The following GRIP1 variants were observed in gnomAD, a reference collection of about 807,000 sequenced individuals.
GRIP1 encodes the protein glutamate receptor-interacting protein 1.
GRIP1 carries 45 observed loss-of-function variants against 129.9 expected under a neutral mutation model. That is an observed-to-expected ratio of 0.35 (90% CI 0.27 to 0.44). The LOEUF (loss-of-function observed/expected upper bound fraction) is 0.44, where lower values mean the gene tolerates loss of function less well. GRIP1 is among the 20% of genes least tolerant of loss of function. GRIP1 has a pLI of 1.00. For synonymous variants in GRIP1, 530 were observed against 520.8 expected, an observed-to-expected ratio of 1.02 and a Z score of -0.24; for missense variants, 1,196 against 1,396.8, an observed-to-expected ratio of 0.86 and a Z score of 2.29.
chr12:66,541,674 C>T, intron 3 of GRIP1, 141 bp downstream of exon 3: 1 of 874,854 alleles, frequency 1.1e-6, no homozygotes, highest in South Asian at 1.3e-5. Flanking sequence ...AAACGTGCCC[C>T]ACTGTGCTTC....
rs1592765656 is a variant in GRIP1, at chr12:66,710,887, C to T, written c.-419-80551G>A. ...AATGCTCTTATAGAGGAATCTTCCA[C>T]AGGCTTCTGCCTTTCTGGATCACTT... On this transcript the variant is annotated intron_variant, in intron 1 of 4. Coordinates refer to the GRIP1 transcript ENST00000538373. 1.3e-5 allele frequency among the ~76,000 whole-genome samples: 2 copies of T among 151,894 alleles called. 1 individual carries two copies. Among genetic ancestry groups the T allele is most frequent in the East Asian group, 3.9e-4 (2 of 5,174 alleles).
At chr12:66,726,925 G>A (rs888290713) in intron 1 of GRIP1, among the ~76,000 whole-genome samples, 4 of 152,126 alleles carry the variant, frequency 2.6e-5, no homozygotes, top group South Asian at 2.1e-4. Flanking sequence ...GCTGGCCTTC[G>A]CATTTAGAAT....
intron 1 of GRIP1, among the ~76,000 whole-genome samples, chr12:66,619,107 C>T (rs545705661): frequency 3.3e-5 from 5 of 151,986 alleles, no homozygotes; most frequent in African/African-American, 1.2e-4. Context: ...AAAGAAAGAA[C>T]CCAAGGAATG....
intron 2 of GRIP1, among the ~76,000 whole-genome samples, chr12:66,557,371 A>T (rs2062372021): frequency 6.6e-6 from 1 of 152,186 alleles, no homozygotes; most frequent in Non-Finnish European, 1.5e-5. Context: ...AACTCAATAC[A>T]ATAATAGCTG....
chr12:67,010,321 T>G (rs1430437935), intron 1 of GRIP1, among the ~76,000 whole-genome samples: 3 of 152,140 alleles, frequency 2.0e-5, no homozygotes, highest in Admixed American at 2.0e-4. Context: ...GCAATTCGAG[T>G]TTAGAAAGAC....
At chr12:66,784,471 T>C (rs1275959626) in intron 1 of GRIP1, among the ~76,000 whole-genome samples, 1 of 152,194 alleles carries the variant, frequency 6.6e-6, no homozygotes, top group Non-Finnish European at 1.5e-5. Flanking sequence ...AGGAGTTAGT[T>C]AGCTTAACAG....
intron 8 of GRIP1, among the ~76,000 whole-genome samples, chr12:66,464,125 GTA>G (rs1216074911): frequency 6.6e-6 from 1 of 152,184 alleles, no homozygotes; most frequent in East Asian, 1.9e-4. Flanking sequence ...TTCAGGTGCA[GTA>G]TATCTATAAA....
intron 1 of GRIP1, among the ~76,000 whole-genome samples, chr12:66,706,471 A>T (rs767864993): frequency 1.3e-5 from 2 of 152,158 alleles, no homozygotes; most frequent in Non-Finnish European, 2.9e-5. Context: ...TTCCTCAAGG[A>T]TCTAGAATCA....
intron 1 of GRIP1, among the ~76,000 whole-genome samples, chr12:66,961,948 T>C (rs1161693286): frequency 6.6e-6 from 1 of 152,190 alleles, no homozygotes; most frequent in African/African-American, 2.4e-5. Flanking sequence ...AGAGTTGCCA[T>C]AAAAACTTTT....
intron 1 of GRIP1, among the ~76,000 whole-genome samples, chr12:66,918,373 G>T (rs1276824722): frequency 6.6e-6 from 1 of 152,150 alleles, no homozygotes; most frequent in African/African-American, 2.4e-5. Context: ...CCACATTAGG[G>T]AGGGCCATCT....
rs968142144 is a variant in GRIP1 at position 67,030,834 on chromosome 12, G to C, written c.58+38216C>G. ...TAGGGTGGCAGCTCTTAGATTCTCAGAGGTTTGAAGGAGAAGAAATATGGA... is the reference window on the plus strand; with the variant it reads ...TAGGGTGGCAGCTCTTAGATTCTCACAGGTTTGAAGGAGAAGAAATATGGA... On this transcript the variant is annotated intron_variant, in intron 1 of 1. Transcript: ENST00000643019. 1.2e-4 allele frequency among the ~76,000 whole-genome samples: 18 copies of C among 152,146 alleles called. 1 individual carries two copies. The highest frequency in any genetic ancestry group is 1.2e-3 in the Admixed American group (18 of 15,252).
chr12:66,412,405 T>C (rs900686099), intron 15 of GRIP1, among the ~76,000 whole-genome samples: 2 of 152,090 alleles, frequency 1.3e-5, no homozygotes, highest in Admixed American at 1.3e-4. Context: ...AAAGGAGAAA[T>C]AAGATCCTTT....
intron 9 of GRIP1, among the ~76,000 whole-genome samples, chr12:66,458,779 GC>G (rs2059046552): frequency 6.6e-6 from 1 of 152,160 alleles, no homozygotes; most frequent in African/African-American, 2.4e-5. Flanking sequence ...GTATATTTTA[GC>G]CACACTGATC....
chr12:66,936,871 C>T (rs1468428878), intron 1 of GRIP1, among the ~76,000 whole-genome samples: 1 of 152,136 alleles, frequency 6.6e-6, no homozygotes, highest in African/African-American at 2.4e-5. Context: ...ATACCTGGGT[C>T]CAGGGTCAAA....
At chr12:67,019,649 A>G (rs1018343129) in intron 1 of GRIP1, among the ~76,000 whole-genome samples, 3 of 152,182 alleles carry the variant, frequency 2.0e-5, no homozygotes, top group African/African-American at 7.2e-5. Flanking sequence ...CGTTACTGCC[A>G]TAATTCCAAA....
At chr12:67,068,845 CT>C in intron 1 of GRIP1, among the ~76,000 whole-genome samples, 3 of 55,486 alleles carry the variant, frequency 5.4e-5, no homozygotes, top group Non-Finnish European at 1.2e-4. Flanking sequence ...CCGCTGCCCT[CT>C]CATCCCGCCC....
At chr12:66,885,197 G>T (rs896124046) in intron 1 of GRIP1, among the ~76,000 whole-genome samples, 6 of 152,136 alleles carry the variant, frequency 3.9e-5, no homozygotes, top group African/African-American at 1.4e-4. Context: ...CTGTTCAACC[G>T]AAACTCTCAG....
intron 24 of GRIP1, among the ~76,000 whole-genome samples, chr12:66,350,256 G>C (rs2054162020): frequency 6.6e-6 from 1 of 152,008 alleles, no homozygotes; most frequent in African/African-American, 2.4e-5. Context: ...GCAGTACTTT[G>C]GGAGGCTGAG....
intron 1 of GRIP1, among the ~76,000 whole-genome samples, chr12:66,650,848 G>T (rs2032743707): frequency 2.6e-5 from 4 of 152,116 alleles, no homozygotes; most frequent in Admixed American, 2.6e-4. Context: ...TAGGAGTCTG[G>T]CTCTGACACC....
Sources: gnomAD v4.1 joint callset for allele counts (sites outside exome capture counted in the v4.1 genomes callset) on GRCh38, gnomAD v4.1.1 for gene constraint, MANE v1.5 for transcripts, NCBI Gene and HGNC (gene_info 2026-07-23, HGNC 2026-07-21) for gene names.